RNF180: variants seen among roughly 807,000 people sequenced by gnomAD.
RNF180 encodes ring finger protein 180.
Under a neutral mutation model 59.2 loss-of-function variants are expected in RNF180, and 38 were observed. That is an observed-to-expected ratio of 0.64 (90% CI 0.50 to 0.84). The LOEUF (loss-of-function observed/expected upper bound fraction) is 0.84. RNF180 is among the 40% of genes least tolerant of loss of function. The probability of loss-of-function intolerance (pLI) is 0.00; values close to 1 mark genes in which losing one functional copy is unlikely to be tolerated. For missense variants in RNF180, 705 were observed against 700.9 expected (o/e 1.01, Z -0.07); for synonymous variants, 262 against 240.3 (o/e 1.09, Z -0.84).
intron 5 of RNF180, among the ~76,000 whole-genome samples, chr5:64,266,120 G>A (rs1407907879): frequency 6.6e-6 from 1 of 152,132 alleles, no homozygotes; most frequent in African/African-American, 2.4e-5. Flanking sequence ...GAGTTTTTGG[G>A]CTGAAACAAT....
intron 2 of RNF180, among the ~76,000 whole-genome samples, chr5:64,206,355 G>A (rs573185715): frequency 6.6e-6 from 1 of 152,282 alleles, no homozygotes; most frequent in African/African-American, 2.4e-5. Context: ...TATTTCATCT[G>A]TATAACACCA....
chr5:64,320,635 T>C (rs939945750), intron 5 of RNF180, among the ~76,000 whole-genome samples: 2 of 152,146 alleles, frequency 1.3e-5, no homozygotes, highest in African/African-American at 2.4e-5. Flanking sequence ...CCCTTGTATA[T>C]AAAAATAAAG....
chr5:64,194,330 G>T (rs1369792748), intron 1 of RNF180, among the ~76,000 whole-genome samples: 1 of 152,198 alleles, frequency 6.6e-6, no homozygotes, highest in Admixed American at 6.5e-5. Flanking sequence ...CAAAGGACAA[G>T]AACTCATCCT....
At chr5:64,181,695 C>A (rs541747685) in intron 1 of RNF180, among the ~76,000 whole-genome samples, 1 of 152,286 alleles carries the variant, frequency 6.6e-6, no homozygotes, top group South Asian at 2.1e-4. Flanking sequence ...CTGGGCAGAT[C>A]TCTCTGTAAT....
chr5:64,192,900 C>CATATATATAT (rs1174084249), intron 1 of RNF180, among the ~76,000 whole-genome samples: 7 of 32,852 alleles, frequency 2.1e-4, no homozygotes, highest in Non-Finnish European at 2.4e-4. Context: ...GAAAGTGTGG[C>CATATATATAT]ATGTATATAT....
rs182227549 is a variant in RNF180, at chr5:64,255,835, A to G, written c.1227+38439A>G. On this transcript the variant is annotated intron_variant, in intron 5 of 7. Transcript: ENST00000389100. ...CCACAAACAGTGTAAAAGTGTTCCTATTTCTCCACATCCTCTCCAGCACCT... is the reference window on the plus strand; with the variant it reads ...CCACAAACAGTGTAAAAGTGTTCCTGTTTCTCCACATCCTCTCCAGCACCT... 4.7e-3 allele frequency among the ~76,000 whole-genome samples: 713 copies of G among 152,238 alleles called. 4 individuals carry two copies. The highest frequency in any genetic ancestry group is 0.015 in the African/African-American group (640 of 41,522).
intron 7 of RNF180, among the ~76,000 whole-genome samples, chr5:64,332,755 G>A (rs1384791388): frequency 6.6e-6 from 1 of 152,172 alleles, no homozygotes. Context: ...CTACTGTGCA[G>A]TTTTCGTTAT....
At chr5:64,246,943 G>T (rs1354403947) in intron 5 of RNF180, among the ~76,000 whole-genome samples, 1 of 152,160 alleles carries the variant, frequency 6.6e-6, no homozygotes, top group Non-Finnish European at 1.5e-5. Flanking sequence ...TGGGATGCAA[G>T]CCTGGTTCAA....
Position 64,337,033 on chromosome 5 carries a change from G to GT in RNF180, c.1579+6635dup, listed in dbSNP as rs1208490172. On this transcript the variant is annotated intron_variant, in intron 7 of 7. Coordinates refer to ENST00000389100, the MANE Select transcript of RNF180 (RefSeq NM_001113561.2). ...TTTTTTTGTTTTTGTTTTTGTTTTT[G>GT]TTTTTTTTGAGACAACGTCTCACTC... 7.2e-4 allele frequency among the ~76,000 whole-genome samples: 103 copies of GT among 142,170 alleles called. No individual in the cohort carries two copies. The East Asian group carries it at 8.5e-3, about 12-fold the overall frequency. The allele number at this position is 142,170 out of a possible 152,430, so 93.3% of individuals were successfully genotyped here.
At chr5:64,247,239 T>C (rs13360622) in intron 5 of RNF180, among the ~76,000 whole-genome samples, 68,828 of 151,924 alleles carry the variant, frequency 0.45, 17,099 homozygotes, top group African/African-American at 0.67. Context: ...TCCGATTCAG[T>C]ACAGTATTGG....
At chr5:64,257,775 C>A (rs1744070694) in intron 5 of RNF180, among the ~76,000 whole-genome samples, 2 of 151,576 alleles carry the variant, frequency 1.3e-5, no homozygotes, top group South Asian at 4.2e-4. Flanking sequence ...GTTTCAGAAC[C>A]CACACAATAA....
In RNF180 at chr5:64,369,871, T is replaced by A; in HGVS notation, c.*57T>A. 2 of 969,208 alleles carry A rather than the reference T, an allele frequency of 2.1e-6. No individual in the cohort carries two copies. The highest frequency in any genetic ancestry group is 2.9e-6 in the Non-Finnish European group (2 of 697,862). The allele number at this position is 969,208 out of a possible 1,614,324, so 60.0% of individuals were successfully genotyped here. ...ATAAATGATGTAAATAACAATTGCT[T>A]AAACATTTTTAAATGTGCTTTGAAG... On this transcript the variant is annotated 3_prime_UTR_variant, in exon 8 of 8. Coordinates refer to ENST00000389100, the MANE Select transcript of RNF180 (RefSeq NM_001113561.2).
At chr5:64,206,792 C>A (rs980477501) in intron 2 of RNF180, among the ~76,000 whole-genome samples, 1 of 152,112 alleles carries the variant, frequency 6.6e-6, no homozygotes, top group Non-Finnish European at 1.5e-5. Flanking sequence ...AGAAAGAGAT[C>A]CTGTGAGGAC....
At chr5:64,249,150 G>A (rs1476315716) in intron 5 of RNF180, among the ~76,000 whole-genome samples, 1 of 152,182 alleles carries the variant, frequency 6.6e-6, no homozygotes, top group Non-Finnish European at 1.5e-5. Context: ...AATACCTAAT[G>A]TAGGTGACGG....
chr5:64,259,165 G>A (rs1184986316), intron 5 of RNF180, among the ~76,000 whole-genome samples: 1 of 152,122 alleles, frequency 6.6e-6, no homozygotes, highest in Admixed American at 6.5e-5. Flanking sequence ...TGTTGGAGGA[G>A]CCATCTTTCA....
At chr5:64,255,804 A>G (rs926105763) in intron 5 of RNF180, among the ~76,000 whole-genome samples, 2 of 152,222 alleles carry the variant, frequency 1.3e-5, no homozygotes, top group Non-Finnish European at 2.9e-5. Flanking sequence ...GAACTAGTTT[A>G]CATTCCCACA....
Position 64,351,738 on chromosome 5 carries a change from A to G in RNF180, c.1580-17877A>G, listed in dbSNP as rs1218164277. Among the ~76,000 whole-genome samples the G allele has an allele frequency of 2.6e-5, 4 of 151,694 alleles. No homozygotes were observed. The South Asian group carries it at 8.3e-4, about 31-fold the overall frequency. ...TTTTCGTATGTTGAACCAGCCTTGC[A>G]TCCCAGGGATGAAGCCCACTTGATC... On this transcript the variant is annotated intron_variant, in intron 7 of 7. Coordinates refer to ENST00000389100, the MANE Select transcript of RNF180 (RefSeq NM_001113561.2).
intron 5 of RNF180, among the ~76,000 whole-genome samples, chr5:64,227,510 C>A (rs1426257412): frequency 6.6e-6 from 1 of 152,188 alleles, no homozygotes; most frequent in Non-Finnish European, 1.5e-5. Context: ...CCTTTGGTCA[C>A]CCCACATGCC....
chr5:64,331,100 C>A (rs1378930184), intron 7 of RNF180, among the ~76,000 whole-genome samples: 1 of 152,216 alleles, frequency 6.6e-6, no homozygotes, highest in Non-Finnish European at 1.5e-5. Context: ...TCCTGACATG[C>A]CAGCCCCCTG....
Sources: gnomAD v4.1 joint callset for allele counts (sites outside exome capture counted in the v4.1 genomes callset) on GRCh38, gnomAD v4.1.1 for gene constraint, MANE v1.5 for transcripts, NCBI Gene and HGNC (gene_info 2026-07-23, HGNC 2026-07-21) for gene names.